The following GRIA4 variants were observed in gnomAD, a reference collection of about 807,000 sequenced individuals.
GRIA4 encodes the protein glutamate ionotropic receptor AMPA type subunit 4, also known as glutamate receptor 4.
In GRIA4, 34 loss-of-function variants were observed where a neutral mutation model predicts 104.0. The observed-to-expected ratio is 0.33, with a 90% CI of 0.25 to 0.44. The LOEUF (loss-of-function observed/expected upper bound fraction) is 0.44. GRIA4 is among the 20% of genes least tolerant of loss of function. The pLI is 1.00. For missense variants in GRIA4, 750 were observed against 1,096.5 expected (o/e 0.68, Z 4.46); for synonymous variants, 386 against 381.9 (o/e 1.01, Z -0.13).
chr11:105,857,082 G>T (rs1161982774), intron 4 of GRIA4, among the ~76,000 whole-genome samples: 1 of 152,032 alleles, frequency 6.6e-6, no homozygotes, highest in Admixed American at 6.6e-5. Flanking sequence ...CTACAATGTT[G>T]GTTATTCCTC....
chr11:105,763,792 C>G (rs1013719137), intron 4 of GRIA4, among the ~76,000 whole-genome samples: 1 of 152,178 alleles, frequency 6.6e-6, no homozygotes, highest in Non-Finnish European at 1.5e-5. Flanking sequence ...CTCTCTGGAC[C>G]TTTTGTGTGC....
chr11:105,710,798 G>A (rs1381306004), intron 3 of GRIA4, among the ~76,000 whole-genome samples: 1 of 152,114 alleles, frequency 6.6e-6, no homozygotes, highest in Non-Finnish European at 1.5e-5. Flanking sequence ...AACTGAAATA[G>A]TTGCAAAACC....
intron 3 of GRIA4, among the ~76,000 whole-genome samples, chr11:105,737,212 T>C (rs1939008553): frequency 1.3e-5 from 2 of 152,288 alleles, no homozygotes; most frequent in Admixed American, 6.5e-5. Context: ...TTTCGTGTTG[T>C]CCTTCTTGGT....
chr11:105,912,702 A>C, intron 10 of GRIA4: 2 of 944,552 alleles, frequency 2.1e-6, no homozygotes, highest in Non-Finnish European at 2.5e-6. Flanking sequence ...CAACTGCATA[A>C]TCGTTCAGTA....
At chr11:105,818,620 C>T (rs148727345) in intron 4 of GRIA4, among the ~76,000 whole-genome samples, 2 of 152,272 alleles carry the variant, frequency 1.3e-5, no homozygotes, top group African/African-American at 2.4e-5. Flanking sequence ...CACCTTAGAG[C>T]ATAAAATGCC....
intron 3 of GRIA4, among the ~76,000 whole-genome samples, chr11:105,657,638 A>C (rs1009878620): frequency 6.6e-6 from 1 of 151,902 alleles, no homozygotes; most frequent in African/African-American, 2.4e-5. Flanking sequence ...TTTAGTCTAA[A>C]GTATCTTTCC....
chr11:105,904,035 A>C (rs1591425819), intron 8 of GRIA4, 54 bp downstream of exon 8: 1 of 1,240,014 alleles, frequency 8.1e-7, no homozygotes, highest in East Asian at 2.4e-5. Flanking sequence ...GTTTTAACTG[A>C]ATGTTCAAAA....
At chr11:105,817,091 C>A (rs1295621747) in intron 4 of GRIA4, among the ~76,000 whole-genome samples, 2 of 152,050 alleles carry the variant, frequency 1.3e-5, no homozygotes, top group Non-Finnish European at 2.9e-5. Flanking sequence ...CCAGCCTCTT[C>A]ACTTACTAGC....
chr11:105,871,772 T>C (rs912567031), intron 5 of GRIA4, among the ~76,000 whole-genome samples: 1 of 152,004 alleles, frequency 6.6e-6, no homozygotes, highest in Non-Finnish European at 1.5e-5. Flanking sequence ...TCAAATATAA[T>C]TTAAAACATG....
At chr11:105,742,441 T>C (rs377019731) in intron 3 of GRIA4, among the ~76,000 whole-genome samples, 164 of 152,262 alleles carry the variant, frequency 1.1e-3, no homozygotes, top group African/African-American at 3.6e-3. Flanking sequence ...GAGCCTCATT[T>C]AATTAGTATC....
chr11:105,666,081 G>T (rs999831552), intron 3 of GRIA4, among the ~76,000 whole-genome samples: 2 of 151,936 alleles, frequency 1.3e-5, no homozygotes, highest in African/African-American at 4.8e-5. Flanking sequence ...ATGTTTTTCT[G>T]TATAGAGGTA....
At position 105,765,036 on chromosome 11, in the gene GRIA4, TGTACTTGACCAAA is replaced by T. The variant is rs763432447; in HGVS notation, c.487+11821_487+11833del. 9.4e-4 allele frequency among the ~76,000 whole-genome samples: 143 copies of T among 152,158 alleles called. 3 individuals are homozygous for T. Among genetic ancestry groups the T allele is most frequent in the Non-Finnish European group, 5.6e-4 (38 of 68,038 alleles). ...GTGACCAGAAGTACATGACCAAATTTGTACTTGACCAAAGTACATGACCAAGTACATGACCTTC... is the reference window on the plus strand; with the variant it reads ...GTGACCAGAAGTACATGACCAAATTTGTACATGACCAAGTACATGACCTTC... On this transcript the variant is annotated intron_variant, in intron 4 of 16. Transcript: ENST00000282499.
intron 3 of GRIA4, among the ~76,000 whole-genome samples, chr11:105,639,925 A>C (rs1229411991): frequency 6.6e-6 from 1 of 151,996 alleles, no homozygotes; most frequent in African/African-American, 2.4e-5. Context: ...CTGAAATATG[A>C]AAATGACAAT....
chr11:105,979,978 T>G lies in GRIA4; in HGVS notation c.*239T>G. The G allele has an allele frequency of 1.0e-5, 4 of 394,834 alleles. No individual in the cohort carries two copies. The highest frequency in any genetic ancestry group is 9.3e-6 in the Non-Finnish European group (2 of 214,402). The allele number at this position is 394,834 out of a possible 1,614,324, so 24.5% of individuals were successfully genotyped here. On this transcript the variant is annotated 3_prime_UTR_variant, in exon 17 of 17. Coordinates refer to ENST00000282499, the MANE Select transcript of GRIA4 (RefSeq NM_000829.4). ...CACAATTGAGGTTTTTTTCGGGGAG[T>G]GGGTGGGGGAGGGATCTGGGATGGG...
intron 3 of GRIA4, among the ~76,000 whole-genome samples, chr11:105,728,774 G>T (rs1938390084): frequency 6.6e-6 from 1 of 152,020 alleles, no homozygotes; most frequent in Admixed American, 6.6e-5. Flanking sequence ...ACGAAATTAA[G>T]GCAGAAATAA....
At chr11:105,787,472 C>CTTTTTTTT (rs67901321) in intron 4 of GRIA4, among the ~76,000 whole-genome samples, 1 of 98,614 alleles carries the variant, frequency 1.0e-5, no homozygotes, top group Non-Finnish European at 1.9e-5. Flanking sequence ...TAAAGAATTC[C>CTTTTTTTT]TTTTTTTTTT....
At chr11:105,749,601 T>C (rs1384712726) in intron 3 of GRIA4, among the ~76,000 whole-genome samples, 5 of 152,200 alleles carry the variant, frequency 3.3e-5, no homozygotes, top group African/African-American at 7.2e-5. Flanking sequence ...GTATGTGATA[T>C]AGAACTACAA....
At chr11:105,660,160 AG>A (rs1213438383) in intron 3 of GRIA4, among the ~76,000 whole-genome samples, 1 of 151,650 alleles carries the variant, frequency 6.6e-6, no homozygotes, top group Non-Finnish European at 1.5e-5. Flanking sequence ...TGAAAATATA[AG>A]CACATAAAGA....
intron 3 of GRIA4, among the ~76,000 whole-genome samples, chr11:105,651,358 C>A (rs1951681680): frequency 8.4e-6 from 1 of 119,698 alleles, no homozygotes; most frequent in African/African-American, 3.0e-5. Flanking sequence ...GATTCCCAAA[C>A]CTGCATTAGC....
Sources: gnomAD v4.1 joint callset for allele counts (sites outside exome capture counted in the v4.1 genomes callset) on GRCh38, gnomAD v4.1.1 for gene constraint, MANE v1.5 for transcripts, NCBI Gene and HGNC (gene_info 2026-07-23, HGNC 2026-07-21) for gene names.